ANKRD62: variants seen among roughly 807,000 people sequenced by gnomAD.
ANKRD62 encodes ankyrin repeat domain-containing protein 62.
A neutral mutation model predicts 98.8 loss-of-function variants in ANKRD62; 61 were observed. That is an observed-to-expected ratio of 0.62 (90% confidence interval 0.50 to 0.76). The LOEUF is 0.76. Ranked by LOEUF, ANKRD62 falls within the 30% of genes least tolerant of loss-of-function variation. ANKRD62 has a pLI of 0.00. For missense variants in ANKRD62, 933 were observed against 1,082.9 expected, an observed-to-expected ratio of 0.86 and a Z score of 1.94; for synonymous variants, 341 against 367.9, an observed-to-expected ratio of 0.93 and a Z score of 0.84.
chr18:12,156,879 C>T, the ANKRD62 span, among the ~76,000 whole-genome samples: 2 of 152,064 alleles, frequency 1.3e-5, no homozygotes, highest in African/African-American at 4.8e-5. Context: ...AAAGTATTTT[C>T]CCTCTAAATT....
chr18:12,126,866 T>A (rs1382752488), intron 13 of ANKRD62, among the ~76,000 whole-genome samples: 3 of 152,324 alleles, frequency 2.0e-5, no homozygotes, highest in Admixed American at 1.3e-4. Flanking sequence ...TTTTAATGTA[T>A]CTTAGTTGGT....
At chr18:12,177,725 C>G in the ANKRD62 span, among the ~76,000 whole-genome samples, 1 of 151,336 alleles carries the variant, frequency 6.6e-6, no homozygotes, top group South Asian at 2.1e-4. Context: ...GAGCCAGACA[C>G]TGGTAGGTGC....
At chr18:12,133,746 G>A (rs1910039689), downstream of ANKRD62, among the ~76,000 whole-genome samples, 1 of 152,058 alleles carries the variant, frequency 6.6e-6, no homozygotes, top group African/African-American at 2.4e-5. Flanking sequence ...ATTTGTAAGA[G>A]TTCTTTATAT....
chr18:12,158,769 C>T, the ANKRD62 span, among the ~76,000 whole-genome samples: 11 of 151,356 alleles, frequency 7.3e-5, no homozygotes, highest in Middle Eastern at 3.4e-3. Flanking sequence ...CTCCTGACCT[C>T]GTGATCCACC....
At chr18:12,146,410 A>T in the ANKRD62 span, among the ~76,000 whole-genome samples, 1 of 152,102 alleles carries the variant, frequency 6.6e-6, no homozygotes, top group African/African-American at 2.4e-5. Flanking sequence ...AGCACAGCAC[A>T]CTTGCTTTAT....
the ANKRD62 span, among the ~76,000 whole-genome samples, chr18:12,140,167 G>A: frequency 2.0e-5 from 3 of 152,276 alleles, no homozygotes; most frequent in African/African-American, 4.8e-5. Context: ...CATTCATCAC[G>A]TAGTTCTCGT....
intron 6 of ANKRD62, chr18:12,101,903 T>A: frequency 4.0e-6 from 3 of 743,480 alleles, no homozygotes; most frequent in Non-Finnish European, 4.9e-6. Context: ...CTTACCCTGT[T>A]ATTTCTTCCT....
the ANKRD62 span, among the ~76,000 whole-genome samples, chr18:12,171,688 C>T: frequency 6.6e-6 from 1 of 152,150 alleles, no homozygotes. Context: ...GTTGGCCTAT[C>T]TTGCTAGGTT....
chr18:12,110,597 T>C, intron 8 of ANKRD62, among the ~76,000 whole-genome samples: 1 of 152,228 alleles, frequency 6.6e-6, no homozygotes, highest in Admixed American at 6.5e-5. Context: ...GAAGTTGAAC[T>C]GTCTGTACTC....
At chr18:12,164,819 A>C in the ANKRD62 span, among the ~76,000 whole-genome samples, 1 of 152,084 alleles carries the variant, frequency 6.6e-6, no homozygotes, top group Non-Finnish European at 1.5e-5. Context: ...AGTCCAGACT[A>C]GGTCTGATTT....
the ANKRD62 span, among the ~76,000 whole-genome samples, chr18:12,174,151 T>C: frequency 4.6e-5 from 7 of 152,232 alleles, no homozygotes; most frequent in Non-Finnish European, 8.8e-5. Context: ...ATTTGGTCTC[T>C]TTATGTAATC....
the ANKRD62 span, among the ~76,000 whole-genome samples, chr18:12,156,945 G>T: frequency 3.9e-5 from 6 of 151,952 alleles, no homozygotes; most frequent in Non-Finnish European, 8.8e-5. Flanking sequence ...TCACTCTCTC[G>T]CTCTCTCTCG....
At chr18:12,096,323 T>C in intron 4 of ANKRD62, 21 bp downstream of exon 4, 1 of 1,434,626 alleles carries the variant, frequency 7.0e-7, no homozygotes, top group Non-Finnish European at 9.4e-7. Context: ...TCTTTTTTTG[T>C]TCATTTTTAA....
the ANKRD62 span, among the ~76,000 whole-genome samples, chr18:12,156,031 C>A: frequency 2.0e-5 from 3 of 151,960 alleles, no homozygotes; most frequent in East Asian, 3.9e-4. Context: ...TTTAAAGGAG[C>A]CTGATACTAC....
intron 3 of ANKRD62, 39 bp from the exon 4 acceptor site, chr18:12,096,157 T>C: frequency 7.5e-7 from 1 of 1,326,562 alleles, no homozygotes; most frequent in Non-Finnish European, 1.0e-6. Flanking sequence ...GGGAAGTATG[T>C]AATTTTGTGA....
At chr18:12,098,681 CG>C (rs1262368405) in intron 5 of ANKRD62, 1 of 152,142 alleles carries the variant, frequency 6.6e-6, no homozygotes, top group African/African-American at 2.4e-5. Flanking sequence ...ATGAGAATGG[CG>C]CTGAGTAAAC....
At chr18:12,161,567 T>C in the ANKRD62 span, among the ~76,000 whole-genome samples, 1 of 152,100 alleles carries the variant, frequency 6.6e-6, no homozygotes, top group South Asian at 2.1e-4. Context: ...CCTTTTAAAA[T>C]GTACAGTTAT....
the ANKRD62 span, among the ~76,000 whole-genome samples, chr18:12,136,961 G>C: frequency 6.6e-6 from 1 of 152,018 alleles, no homozygotes; most frequent in African/African-American, 2.4e-5. Context: ...GAGATGATGG[G>C]GTTTTCTAGA....
In ANKRD62 at chr18:12,128,520, G is replaced by A. The variant is rs893339171; in HGVS notation, c.*581G>A. On this transcript the variant is annotated 3_prime_UTR_variant, in exon 14 of 14. Transcript: ENST00000587848. Reference sequence around the variant, plus strand: ...AACTTTACAAATGGGGTTATAGAAGGTCAGCAAAGGGTAGGTTTGAGATGT... The same window carrying A: ...AACTTTACAAATGGGGTTATAGAAGATCAGCAAAGGGTAGGTTTGAGATGT... The A allele has an allele frequency of 1.3e-5, 2 of 152,174 alleles. No homozygotes were observed. The highest frequency in any genetic ancestry group is 2.9e-5 in the Non-Finnish European group (2 of 68,040). 9.4% of individuals were successfully genotyped at this position (152,174 alleles called of 1,614,324 possible). A position where few individuals can be genotyped will look rare whatever the true frequency, so the allele number is the denominator to read the frequency against.
Sources: allele counts gnomAD v4.1 joint callset (sites outside exome capture counted in the v4.1 genomes callset), GRCh38; gene constraint gnomAD v4.1.1; transcripts MANE v1.5; gene names NCBI Gene and HGNC (gene_info 2026-07-23, HGNC 2026-07-21).